The following STK3 variants were observed in gnomAD, a reference collection of about 807,000 sequenced individuals.
STK3 encodes the protein serine/threonine-protein kinase 3.
In STK3, 41 loss-of-function variants were observed where a neutral mutation model predicts 58.0. The observed-to-expected ratio is 0.71, with a 90% CI of 0.55 to 0.92. The LOEUF is 0.92. Among genes scored for constraint, STK3 ranks in the 40% least tolerant of loss-of-function variants. The pLI, the probability that STK3 is intolerant of heterozygous loss-of-function variation, is 0.00. For missense variants in STK3, 479 were observed against 602.7 expected (o/e 0.79, Z 2.15); for synonymous variants, 170 against 191.0 (o/e 0.89, Z 0.91).
At chr8:98,771,087 G>C (rs1040057378) in intron 2 of STK3, among the ~76,000 whole-genome samples, 2 of 152,154 alleles carry the variant, frequency 1.3e-5, no homozygotes, top group African/African-American at 2.4e-5. Flanking sequence ...CATTCACAAT[G>C]CTGTACAACC....
intron 10 of STK3, among the ~76,000 whole-genome samples, chr8:98,526,192 G>A (rs1011094834): frequency 2.0e-5 from 3 of 151,902 alleles, no homozygotes; most frequent in African/African-American, 7.2e-5. Context: ...CAGGGTAGAA[G>A]AAATAATGAG....
At chr8:98,451,575 T>C (rs574212416), downstream of STK3, among the ~76,000 whole-genome samples, 1 of 152,298 alleles carries the variant, frequency 6.6e-6, no homozygotes, top group East Asian at 1.9e-4. Flanking sequence ...AATGATGTGG[T>C]CCAGTGTGAG....
intron 10 of STK3, among the ~76,000 whole-genome samples, chr8:98,492,105 T>C (rs1246411641): frequency 6.6e-6 from 1 of 151,428 alleles, no homozygotes; most frequent in Admixed American, 6.5e-5. Flanking sequence ...CATTCGTTTG[T>C]TATTATTAAA....
At chr8:98,909,300 C>CT (rs528978909) in intron 1 of STK3, among the ~76,000 whole-genome samples, 11 of 152,218 alleles carry the variant, frequency 7.2e-5, no homozygotes, top group Middle Eastern at 3.4e-3. Context: ...GATAGTTGAC[C>CT]TTTTTTTCAG....
chr8:98,694,708 C>T, intron 6 of STK3, among the ~76,000 whole-genome samples: 1 of 152,190 alleles, frequency 6.6e-6, no homozygotes, highest in Non-Finnish European at 1.5e-5. Flanking sequence ...GCATATCATT[C>T]CATGGTGTAT....
intron 8 of STK3, among the ~76,000 whole-genome samples, chr8:98,552,283 T>A (rs1047854301): frequency 6.6e-6 from 1 of 152,122 alleles, no homozygotes; most frequent in Non-Finnish European, 1.5e-5. Flanking sequence ...CTCACTCACA[T>A]AGGCAGATTG....
At chr8:98,557,068 A>G (rs1811648196) in intron 8 of STK3, among the ~76,000 whole-genome samples, 1 of 152,090 alleles carries the variant, frequency 6.6e-6, no homozygotes, top group African/African-American at 2.4e-5. Flanking sequence ...CTAATTATTC[A>G]TTTTCCCATC....
At chr8:98,904,893 G>T in intron 1 of STK3, 1 of 691,818 alleles carries the variant, frequency 1.4e-6, no homozygotes. Flanking sequence ...GGTCACAGTT[G>T]TACTTTGGAC....
chr8:98,674,601 T>C (rs1296224721), intron 6 of STK3, among the ~76,000 whole-genome samples: 1 of 152,104 alleles, frequency 6.6e-6, no homozygotes, highest in African/African-American at 2.4e-5. Flanking sequence ...AAAGAATATG[T>C]CAACAAATGA....
chr8:98,579,894 A>T (rs1232079810), intron 7 of STK3, 105 bp from the exon 8 acceptor site: 1 of 1,057,318 alleles, frequency 9.5e-7, no homozygotes, highest in Non-Finnish European at 1.3e-6. Context: ...ACAGGCTTCA[A>T]TGATTGTTTT....
At chr8:98,692,865 T>C (rs991682991) in intron 6 of STK3, among the ~76,000 whole-genome samples, 3 of 152,196 alleles carry the variant, frequency 2.0e-5, no homozygotes, top group African/African-American at 2.4e-5. Context: ...GAACATATTA[T>C]GGGGAGTGTA....
intron 6 of STK3, among the ~76,000 whole-genome samples, chr8:98,618,119 T>C (rs1817921723): frequency 6.6e-6 from 1 of 151,780 alleles, no homozygotes; most frequent in Admixed American, 6.6e-5. Flanking sequence ...TCCACCATGA[T>C]CAAGTGGGCT....
chr8:98,359,267 G>C, the STK3 span, among the ~76,000 whole-genome samples: 1 of 150,120 alleles, frequency 6.7e-6, no homozygotes, highest in African/African-American at 2.5e-5. Context: ...CAACATTTTC[G>C]GAGGCCGAGG....
chr8:98,495,767 T>C (rs1256167405), intron 10 of STK3, among the ~76,000 whole-genome samples: 1 of 152,212 alleles, frequency 6.6e-6, no homozygotes, highest in Non-Finnish European at 1.5e-5. Flanking sequence ...CAAACATCTG[T>C]ATATACTTTT....
intron 3 of STK3, chr8:98,427,184 C>T (rs947530934): frequency 1.3e-5 from 2 of 149,372 alleles, no homozygotes; most frequent in Non-Finnish European, 3.0e-5. Flanking sequence ...AGGAGACGCT[C>T]GGCGGCCCCC....
At chr8:98,786,909 G>A (rs531097558) in intron 1 of STK3, among the ~76,000 whole-genome samples, 10 of 152,148 alleles carry the variant, frequency 6.6e-5, no homozygotes, top group South Asian at 2.1e-4. Context: ...GGTGGCTCAC[G>A]CCTGTAATCC....
intron 4 of STK3, among the ~76,000 whole-genome samples, chr8:98,735,875 A>G (rs1828540493): frequency 1.3e-5 from 2 of 152,172 alleles, no homozygotes; most frequent in Admixed American, 6.5e-5. Flanking sequence ...CCAAAGGAAA[A>G]GTATAGATCA....
chr8:98,358,617 C>A, the STK3 span, among the ~76,000 whole-genome samples: 1 of 152,012 alleles, frequency 6.6e-6, no homozygotes, highest in Admixed American at 6.6e-5. Flanking sequence ...TTCCAGGGAC[C>A]CAGGGCAGGC....
At chr8:98,501,218 G>A (rs536344940) in intron 10 of STK3, among the ~76,000 whole-genome samples, 9 of 151,982 alleles carry the variant, frequency 5.9e-5, no homozygotes, top group African/African-American at 1.7e-4. Context: ...CTTTTGAGAA[G>A]TGTCTGTTCA....
Sources: allele counts gnomAD v4.1 joint callset (sites outside exome capture counted in the v4.1 genomes callset), GRCh38; gene constraint gnomAD v4.1.1; transcripts MANE v1.5; gene names NCBI Gene and HGNC (gene_info 2026-07-23, HGNC 2026-07-21).